The following WIPF3 variants were observed in gnomAD, a reference collection of about 807,000 sequenced individuals.
WIPF3 encodes WAS/WASL interacting protein family member 3.
In WIPF3, 33 loss-of-function variants were observed where a neutral mutation model predicts 38.9. The observed-to-expected ratio is 0.85, with a 90% CI of 0.64 to 1.14. The LOEUF is 1.14. Ranked by LOEUF, WIPF3 falls within the 50% of genes most tolerant of loss-of-function variation. WIPF3 has a pLI of 0.00. For synonymous variants in WIPF3, 324 were observed against 269.3 expected (o/e 1.20, Z -1.99); for missense variants, 711 against 652.5 (o/e 1.09, Z -0.98).
chr7:29,873,885 G>A (rs1210267908), intron 2 of WIPF3, among the ~76,000 whole-genome samples: 4 of 152,192 alleles, frequency 2.6e-5, no homozygotes, highest in African/African-American at 9.7e-5. Context: ...TCTGCTTCTA[G>A]TCTGTGACAC....
chr7:29,904,273 T>C lies in WIPF3; in HGVS notation c.1352-13T>C. 2.5e-6 allele frequency: 4 copies of C among 1,613,592 alleles called. No individual in the cohort carries two copies. Among genetic ancestry groups the C allele is most frequent in the Non-Finnish European group, 3.4e-6 (4 of 1,179,680 alleles). On this transcript the variant is annotated splice_polypyrimidine_tract_variant and intron_variant, in intron 7 of 8. Transcript: ENST00000242140. The stretch of plus-strand genomic sequence containing the variant: ...GGGCCAATAGATAATGAGATTGTTC[T>C]TTTTTCCTTCAGGCCGTACACCTGG...
chr7:29,866,960 T>C (rs1011781028), intron 2 of WIPF3, among the ~76,000 whole-genome samples: 5 of 152,230 alleles, frequency 3.3e-5, no homozygotes, highest in Non-Finnish European at 7.3e-5. Flanking sequence ...TTGGTAGCAG[T>C]GGATGGTCTG....
Position 29,884,264 on chromosome 7 carries a change from T to TAG in WIPF3, c.770_771insAG (p.Pro258AlafsTer117). ...AAGCCTCAGCTGGCTCCCTTGCACC[T>TAG]CCCGCCCATCCCGCCCCCGCTCCCT... On this transcript the variant is annotated frameshift_variant, in exon 5 of 9. Transcript: ENST00000242140. LOFTEE classifies it high-confidence loss of function. The TAG allele has an allele frequency of 9.9e-6, 13 of 1,315,226 alleles. No individual in the cohort carries two copies. Among genetic ancestry groups the TAG allele is most frequent in the Non-Finnish European group, 1.3e-5 (13 of 992,652 alleles). The allele number at this position is 1,315,226 out of a possible 1,614,324, so 81.5% of individuals were successfully genotyped here.
intron 5 of WIPF3, among the ~76,000 whole-genome samples, chr7:29,886,093 G>A (rs174971): frequency 0.73 from 111,477 of 151,970 alleles, 41,210 homozygotes; most frequent in East Asian, 0.88. Flanking sequence ...GTTATTATGA[G>A]TAATATTTTA....
chr7:29,880,778 G>C (rs1371085580), intron 4 of WIPF3, among the ~76,000 whole-genome samples: 1 of 152,180 alleles, frequency 6.6e-6, no homozygotes, highest in Non-Finnish European at 1.5e-5. Flanking sequence ...GCCTGTTCCA[G>C]GATGGAAACT....
chr7:29,833,595 G>C (rs538483634), intron 1 of WIPF3, among the ~76,000 whole-genome samples: 1 of 152,286 alleles, frequency 6.6e-6, no homozygotes, highest in East Asian at 1.9e-4. Flanking sequence ...TAACAAGAAA[G>C]CATCACATTG....
intron 2 of WIPF3, among the ~76,000 whole-genome samples, chr7:29,841,195 T>C (rs1784907028): frequency 6.6e-6 from 1 of 152,224 alleles, no homozygotes; most frequent in African/African-American, 2.4e-5. Context: ...TTGTGTGATA[T>C]GTCTGATCCT....
At chr7:29,845,053 T>C (rs1784977171) in intron 2 of WIPF3, among the ~76,000 whole-genome samples, 1 of 150,158 alleles carries the variant, frequency 6.7e-6, no homozygotes. Flanking sequence ...TTCTGTGTGG[T>C]TCCATTGTTT....
chr7:29,831,574 C>G (rs1583594779), intron 1 of WIPF3, among the ~76,000 whole-genome samples: 1 of 152,182 alleles, frequency 6.6e-6, no homozygotes, highest in East Asian at 1.9e-4. Flanking sequence ...TTATTTAGTT[C>G]CTATATTGGA....
chr7:29,872,015 A>G (rs28402970), intron 2 of WIPF3, among the ~76,000 whole-genome samples: 1,631 of 152,332 alleles, frequency 0.011, 35 homozygotes, highest in African/African-American at 0.038. Flanking sequence ...TTAATGAGAC[A>G]AAACAAGAGT....
At chr7:29,911,579 T>C (rs1786506321) in intron 8 of WIPF3, among the ~76,000 whole-genome samples, 1 of 151,904 alleles carries the variant, frequency 6.6e-6, no homozygotes, top group African/African-American at 2.4e-5. Flanking sequence ...TATAGACCAA[T>C]GGGATAGAAT....
intron 1 of WIPF3, among the ~76,000 whole-genome samples, chr7:29,830,906 A>G (rs1784708932): frequency 6.6e-6 from 1 of 152,188 alleles, no homozygotes; most frequent in Non-Finnish European, 1.5e-5. Flanking sequence ...TACATTTGCA[A>G]ATTCACCTAC....
At chr7:29,810,865 G>A (rs1489793839) in intron 1 of WIPF3, among the ~76,000 whole-genome samples, 1 of 152,052 alleles carries the variant, frequency 6.6e-6, no homozygotes, top group Non-Finnish European at 1.5e-5. Context: ...TTTATCTCAT[G>A]TTTAAGGCTA....
intron 2 of WIPF3, among the ~76,000 whole-genome samples, chr7:29,850,599 T>C (rs897357938): frequency 1.1e-4 from 16 of 152,190 alleles, no homozygotes; most frequent in Admixed American, 7.8e-4. Flanking sequence ...ACCCGGGGAC[T>C]TCTTTAGACC....
At chr7:29,827,062 A>G (rs755061298) in intron 1 of WIPF3, among the ~76,000 whole-genome samples, 1 of 152,208 alleles carries the variant, frequency 6.6e-6, no homozygotes, top group Non-Finnish European at 1.5e-5. Context: ...AGTGTCTGAC[A>G]CATAGTAAGG....
intron 2 of WIPF3, among the ~76,000 whole-genome samples, chr7:29,858,248 T>G (rs766787430): frequency 2.6e-5 from 4 of 152,226 alleles, no homozygotes; most frequent in Non-Finnish European, 5.9e-5. Context: ...TCTTGTGACT[T>G]CCAGATGCTT....
chr7:29,902,259 C>G (rs1786297828), intron 7 of WIPF3, among the ~76,000 whole-genome samples: 1 of 135,106 alleles, frequency 7.4e-6, no homozygotes, highest in African/African-American at 2.6e-5. Context: ...TTAGTGTTTT[C>G]TTCTTCTTCT....
intron 2 of WIPF3, among the ~76,000 whole-genome samples, chr7:29,865,080 C>T (rs1210845707): frequency 6.6e-6 from 1 of 152,178 alleles, no homozygotes; most frequent in Non-Finnish European, 1.5e-5. Context: ...ATCTGCACTA[C>T]AACTTATGTG....
At chr7:29,836,182 G>C (rs1264871239) in intron 2 of WIPF3, among the ~76,000 whole-genome samples, 1 of 152,186 alleles carries the variant, frequency 6.6e-6, no homozygotes, top group Non-Finnish European at 1.5e-5. Context: ...TGCTGAATTT[G>C]ACCCAAAGTC....
Sources: allele counts gnomAD v4.1 joint callset (sites outside exome capture counted in the v4.1 genomes callset), GRCh38; gene constraint gnomAD v4.1.1; transcripts MANE v1.5; gene names NCBI Gene and HGNC (gene_info 2026-07-23, HGNC 2026-07-21).